Variants in SPINK6 observed in about 807,000 individuals in gnomAD.
The protein encoded by SPINK6 is serine peptidase inhibitor Kazal type 6.
A neutral mutation model predicts 11.7 loss-of-function variants in SPINK6; 13 were observed. The observed-to-expected ratio is 1.11, with a 90% confidence interval of 0.72 to 1.76. SPINK6 has a LOEUF of 1.76. Ranked by LOEUF, SPINK6 falls within the 40% of genes most tolerant of loss-of-function variation. The pLI, the probability that SPINK6 is intolerant of heterozygous loss-of-function variation, is 0.00. For synonymous variants in SPINK6, 21 were observed against 31.9 expected (o/e 0.66, Z 1.15); for missense variants, 98 against 93.7 (o/e 1.05, Z -0.19).
intron 2 of SPINK6, among the ~76,000 whole-genome samples, chr5:148,210,178 ATGC>A (rs1247132562): frequency 3.5e-4 from 9 of 25,614 alleles, no homozygotes; most frequent in Middle Eastern, 0.062. Context: ...GTATTTCTGC[ATGC>A]ATATGTATTT....
chr5:148,213,590 T>C (rs141868730), intron 2 of SPINK6, among the ~76,000 whole-genome samples: 3 of 152,208 alleles, frequency 2.0e-5, no homozygotes, highest in African/African-American at 4.8e-5. Flanking sequence ...CCACTCTCAA[T>C]TGGAATAGTT....
chr5:148,213,664 TAC>T (rs1216707704), intron 2 of SPINK6, among the ~76,000 whole-genome samples: 1 of 152,196 alleles, frequency 6.6e-6, no homozygotes, highest in Non-Finnish European at 1.5e-5. Flanking sequence ...TACTCCTGAA[TAC>T]AATCTGTATT....
intron 2 of SPINK6, among the ~76,000 whole-genome samples, chr5:148,212,604 T>TA (rs1755620743): frequency 9.6e-6 from 1 of 103,928 alleles, no homozygotes; most frequent in African/African-American, 4.1e-5. Context: ...ATATAATATA[T>TA]AATATATATT....
At position 148,206,039 on chromosome 5, in the gene SPINK6, T is replaced by A; in HGVS notation, c.62T>A (p.Val21Asp). The change falls in exon 2 of 4, where the codon GTC becomes GAC. Residue 21 changes from valine (V) to aspartate (D), a missense_variant. Val to Asp is a radical substitution (Grantham distance 152). Transcript: ENST00000325630. ...SLALFCFLTGVFSQGGQVDCG... is the reference protein window; with the variant it reads ...SLALFCFLTGDFSQGGQVDCG... ...GAATGTTGTGCTTTTCTTTCAGGTG[T>A]CTTCAGTCAGGGAGGACAGGTCAGT... 2 of 1,614,056 alleles carry A rather than the reference T, an allele frequency of 1.2e-6. No individual in the cohort carries two copies. The highest frequency in any genetic ancestry group is 2.2e-5 in the South Asian group (2 of 91,078).
chr5:148,208,216 C>G (rs2113309477), intron 2 of SPINK6, among the ~76,000 whole-genome samples: 1 of 152,206 alleles, frequency 6.6e-6, no homozygotes, highest in South Asian at 2.1e-4. Context: ...CCCTTCCTGC[C>G]CTAACTGTCT....
intron 2 of SPINK6, among the ~76,000 whole-genome samples, chr5:148,209,990 A>ATG (rs1491226453): frequency 1.7e-4 from 25 of 144,970 alleles, no homozygotes; most frequent in African/African-American, 6.6e-4. Flanking sequence ...GTATGTATAC[A>ATG]TATACACGTA....
chr5:148,210,113 T>C lies in SPINK6; in HGVS notation c.82-3797T>C, dbSNP rs189062956. Among the ~76,000 whole-genome samples, 260 of 145,100 alleles carry C rather than the reference T, an allele frequency of 1.8e-3. 3 individuals carry two copies. The highest frequency in any genetic ancestry group is 6.4e-3 in the African/African-American group (245 of 38,052). On this transcript the variant is annotated intron_variant, in intron 2 of 3. Transcript: ENST00000325630. ...GTTTACATGTATGTATGCACATATG[T>C]ATGTATGTTTACATTTATTTCTGCA...
chr5:148,203,754 G>A (rs376685627), intron 1 of SPINK6, among the ~76,000 whole-genome samples: 27 of 152,154 alleles, frequency 1.8e-4, no homozygotes, highest in African/African-American at 6.3e-4. Flanking sequence ...TTTCTGGTGA[G>A]CTAAATAATC....
chr5:148,213,372 T>G (rs1176304428), intron 2 of SPINK6, among the ~76,000 whole-genome samples: 1 of 152,080 alleles, frequency 6.6e-6, no homozygotes, highest in African/African-American at 2.4e-5. Flanking sequence ...AATTTTTTTT[T>G]GTATTTTTAG....
At chr5:148,210,235 CATACGTATGTATTTCTGCATACATAT>C (rs1755571374) in intron 2 of SPINK6, among the ~76,000 whole-genome samples, 7 of 82,546 alleles carry the variant, frequency 8.5e-5, no homozygotes, top group African/African-American at 2.1e-4. Context: ...TTTCTGCATG[CATACGTATGTATTTCTGCATACATAT>C]ATATGTATGT....
intron 1 of SPINK6, among the ~76,000 whole-genome samples, chr5:148,205,526 T>C (rs1314633690): frequency 6.6e-6 from 1 of 152,188 alleles, no homozygotes; most frequent in Admixed American, 6.5e-5. Context: ...TACCAGTTTA[T>C]ATTTGGGCCA....
rs1755624298 is a variant in SPINK6 at position 148,212,648 on chromosome 5, A to ATATATATATTTATATATT, written c.82-1255_82-1238dup. 2.8e-5 allele frequency among the ~76,000 whole-genome samples: 3 copies of ATATATATATTTATATATT among 106,842 alleles called. No individual in the cohort carries two copies. The Admixed American group carries it at 3.9e-4, about 14-fold the overall frequency. The allele number at this position is 106,842 out of a possible 152,430, so 70.1% of individuals were successfully genotyped here. ...ATATTATATATTATATATAATATAA[A>ATATATATATTTATATATT]TATATATATTTATATATTTATATAA... On this transcript the variant is annotated intron_variant, in intron 2 of 3. Transcript: ENST00000325630.
intron 2 of SPINK6, among the ~76,000 whole-genome samples, chr5:148,207,413 C>T (rs1316117986): frequency 6.6e-6 from 1 of 152,076 alleles, no homozygotes; most frequent in Non-Finnish European, 1.5e-5. Flanking sequence ...CACATTATCT[C>T]ATGGAGCAGG....
chr5:148,214,493 T>G (rs1442224685), intron 3 of SPINK6, among the ~76,000 whole-genome samples: 2 of 152,206 alleles, frequency 1.3e-5, no homozygotes, highest in Non-Finnish European at 2.9e-5. Context: ...TAGATGCATA[T>G]TACTGAGAGG....
chr5:148,212,475 AT>A (rs1369184659), intron 2 of SPINK6, among the ~76,000 whole-genome samples: 2 of 28,164 alleles, frequency 7.1e-5, no homozygotes, highest in Non-Finnish European at 3.3e-4. Context: ...TAAAATACAT[AT>A]TTTTTATATA....
chr5:148,212,656 A>T (rs1326528987), intron 2 of SPINK6, among the ~76,000 whole-genome samples: 13 of 102,574 alleles, frequency 1.3e-4, no homozygotes, highest in African/African-American at 5.8e-4. Context: ...AAATATATAT[A>T]TTTATATATT....
intron 2 of SPINK6, among the ~76,000 whole-genome samples, chr5:148,210,864 G>T (rs140401949): frequency 2.0e-5 from 3 of 151,980 alleles, no homozygotes; most frequent in African/African-American, 7.3e-5. Context: ...AGGGAAATAA[G>T]GGTGAGGGGA....
chr5:148,214,652 G>A (rs1755658632), intron 3 of SPINK6, among the ~76,000 whole-genome samples: 1 of 151,974 alleles, frequency 6.6e-6, no homozygotes, highest in Non-Finnish European at 1.5e-5. Flanking sequence ...ATTTACTCTT[G>A]GAGAATGAGC....
intron 1 of SPINK6, among the ~76,000 whole-genome samples, chr5:148,205,176 A>G (rs183983351): frequency 1.3e-5 from 2 of 152,222 alleles, no homozygotes; most frequent in Admixed American, 1.3e-4. Context: ...TTATCCCATA[A>G]GTGTTGGCCA....
Sources: gnomAD v4.1 joint callset for allele counts (sites outside exome capture counted in the v4.1 genomes callset) on GRCh38, gnomAD v4.1.1 for gene constraint, MANE v1.5 for transcripts, NCBI Gene and HGNC (gene_info 2026-07-23, HGNC 2026-07-21) for gene names.